Variants in DPP6 observed in about 807,000 individuals in gnomAD.
DPP6 encodes the protein dipeptidyl peptidase like 6.
In DPP6, 69 loss-of-function variants were observed where a neutral mutation model predicts 122.6. The ratio of observed to expected loss-of-function variants is 0.56; its 90% CI spans 0.46 to 0.69. The LOEUF is 0.69. Ranked by LOEUF, DPP6 falls within the 30% of genes least tolerant of loss-of-function variation. The pLI is 0.00. For synonymous variants in DPP6, 418 were observed against 433.1 expected, an observed-to-expected ratio of 0.97 and a Z score of 0.43; for missense variants, 928 against 1,116.9, an observed-to-expected ratio of 0.83 and a Z score of 2.41.
intron 16 of DPP6, among the ~76,000 whole-genome samples, chr7:154,834,792 G>A (rs1451602354): frequency 3.3e-5 from 5 of 152,208 alleles, no homozygotes; most frequent in Non-Finnish European, 7.3e-5. Flanking sequence ...GTGGGCCAGC[G>A]ACTGGAAGAG....
chr7:154,255,958 T>C (rs1306916863), intron 1 of DPP6, among the ~76,000 whole-genome samples: 1 of 152,162 alleles, frequency 6.6e-6, no homozygotes, highest in East Asian at 1.9e-4. Flanking sequence ...CTGCGCTCTT[T>C]ACCAGTTTTC....
intron 1 of DPP6, among the ~76,000 whole-genome samples, chr7:153,905,215 T>G (rs1273680857): frequency 6.6e-6 from 1 of 151,800 alleles, no homozygotes; most frequent in Non-Finnish European, 1.5e-5. Flanking sequence ...AAAGTTGGAG[T>G]AGTAGTTTTA....
chr7:154,211,445 C>T (rs778193355), intron 1 of DPP6, among the ~76,000 whole-genome samples: 2 of 152,174 alleles, frequency 1.3e-5, no homozygotes, highest in East Asian at 1.9e-4. Context: ...CCGACCCCTT[C>T]GCTCTGGAAG....
rs973495619 is a variant in DPP6 at position 154,210,549 on chromosome 7, A to G, written c.243+157486A>G. On this transcript the variant is annotated intron_variant, in intron 1 of 25. Coordinates refer to ENST00000377770, the MANE Select transcript of DPP6 (RefSeq NM_130797.4). Reference sequence around the variant, plus strand: ...AACTTGTGAGTGTCTGGTGCATTCTACTATGCAATAACATTAGTTATTTTT... The same window carrying G: ...AACTTGTGAGTGTCTGGTGCATTCTGCTATGCAATAACATTAGTTATTTTT... 2.0e-5 allele frequency among the ~76,000 whole-genome samples: 3 copies of G among 152,206 alleles called. No homozygotes were observed. The East Asian group carries it at 5.8e-4, about 29-fold the overall frequency.
At chr7:154,238,812 A>G (rs2150868119) in intron 1 of DPP6, among the ~76,000 whole-genome samples, 1 of 152,378 alleles carries the variant, frequency 6.6e-6, no homozygotes, top group Non-Finnish European at 1.5e-5. Context: ...CTACTATCCC[A>G]GTTTTACAAG....
chr7:154,501,328 T>C (rs557367338), intron 3 of DPP6, among the ~76,000 whole-genome samples: 2 of 151,304 alleles, frequency 1.3e-5, no homozygotes, highest in South Asian at 2.1e-4. Flanking sequence ...GAGTAAAATG[T>C]TAATTCCCAA....
intron 2 of DPP6, among the ~76,000 whole-genome samples, chr7:154,473,879 G>A (rs1322025894): frequency 6.6e-6 from 1 of 152,140 alleles, no homozygotes; most frequent in Non-Finnish European, 1.5e-5. Context: ...ACCTCAGTTA[G>A]CACCAAGATC....
chr7:154,297,330 T>C (rs1379788409), intron 1 of DPP6, among the ~76,000 whole-genome samples: 1 of 152,206 alleles, frequency 6.6e-6, no homozygotes, highest in Non-Finnish European at 1.5e-5. Flanking sequence ...AGACAGTCTA[T>C]AAGTAAATGG....
intron 1 of DPP6, among the ~76,000 whole-genome samples, chr7:154,220,907 G>A (rs1055070143): frequency 2.0e-5 from 3 of 152,258 alleles, no homozygotes; most frequent in East Asian, 1.9e-4. Flanking sequence ...CTGTGAGTGG[G>A]TTTTGGGGGG....
intron 1 of DPP6, among the ~76,000 whole-genome samples, chr7:154,417,371 A>G (rs1817115859): frequency 6.6e-6 from 1 of 152,228 alleles, no homozygotes; most frequent in Admixed American, 6.5e-5. Flanking sequence ...CCACGTACCA[A>G]GCACTGGAGG....
chr7:154,721,218 A>G (rs986398573), intron 7 of DPP6, among the ~76,000 whole-genome samples: 2 of 152,222 alleles, frequency 1.3e-5, no homozygotes, highest in African/African-American at 4.8e-5. Flanking sequence ...TCAGACCACA[A>G]GTTCTGGAAC....
intron 1 of DPP6, among the ~76,000 whole-genome samples, chr7:154,205,453 T>C (rs190375543): frequency 3.9e-5 from 6 of 152,350 alleles, no homozygotes; most frequent in South Asian, 2.1e-4. Flanking sequence ...CCTTTTGGGA[T>C]TGGCTTTTTT....
chr7:154,542,756 A>G (rs1828834072), intron 4 of DPP6, among the ~76,000 whole-genome samples: 1 of 152,232 alleles, frequency 6.6e-6, no homozygotes, highest in South Asian at 2.1e-4. Flanking sequence ...TCTCAAAGCT[A>G]CATTTAAATG....
chr7:154,667,737 A>C (rs1158881586), intron 6 of DPP6, among the ~76,000 whole-genome samples: 1 of 152,148 alleles, frequency 6.6e-6, no homozygotes. Context: ...AAAACAAAAC[A>C]AAACCACGCA....
intron 4 of DPP6, among the ~76,000 whole-genome samples, chr7:154,544,726 G>A (rs1345264924): frequency 6.6e-6 from 1 of 152,182 alleles, no homozygotes; most frequent in East Asian, 1.9e-4. Context: ...CCTCAGGAGT[G>A]TCGTAGGACT....
chr7:154,400,393 A>T (rs1393345133), intron 1 of DPP6, among the ~76,000 whole-genome samples: 1 of 152,220 alleles, frequency 6.6e-6, no homozygotes, highest in Non-Finnish European at 1.5e-5. Flanking sequence ...ATGAAAGGTC[A>T]ATTCAAGCTT....
At chr7:154,591,240 G>A (rs1171657105) in intron 5 of DPP6, among the ~76,000 whole-genome samples, 1 of 152,178 alleles carries the variant, frequency 6.6e-6, no homozygotes, top group African/African-American at 2.4e-5. Context: ...CACAACATAT[G>A]CCCATGGTGA....
chr7:154,711,685 GTA>G (rs1841189443), intron 7 of DPP6, among the ~76,000 whole-genome samples: 1 of 152,140 alleles, frequency 6.6e-6, no homozygotes, highest in African/African-American at 2.4e-5. Flanking sequence ...ACCCTTAGTA[GTA>G]TTGCTATCAT....
intron 7 of DPP6, among the ~76,000 whole-genome samples, chr7:154,721,933 G>A (rs188008599): frequency 1.3e-5 from 2 of 151,808 alleles, no homozygotes; most frequent in East Asian, 1.9e-4. Context: ...GTGAAGCCAA[G>A]GCAGGAGGAT....
Sources: gnomAD v4.1 joint callset for allele counts (sites outside exome capture counted in the v4.1 genomes callset) on GRCh38, gnomAD v4.1.1 for gene constraint, MANE v1.5 for transcripts, NCBI Gene and HGNC (gene_info 2026-07-23, HGNC 2026-07-21) for gene names.